The following RSU1 variants were observed in gnomAD, a reference collection of about 807,000 sequenced individuals.
The protein encoded by RSU1 is rsu-1.
In RSU1, 26 loss-of-function variants were observed where a neutral mutation model predicts 31.1. The ratio of observed to expected loss-of-function variants is 0.84; its 90% CI spans 0.61 to 1.16. The LOEUF is 1.16. Among genes scored for constraint, RSU1 ranks in the 50% most tolerant of loss-of-function variants. The pLI, the probability that RSU1 is intolerant of heterozygous loss-of-function variation, is 0.00. For missense variants in RSU1, 320 were observed against 339.1 expected (o/e 0.94, Z 0.44); for synonymous variants, 164 against 136.3 (o/e 1.20, Z -1.41).
chr10:16,633,264 T>C (rs1834283465), intron 8 of RSU1, among the ~76,000 whole-genome samples: 1 of 152,124 alleles, frequency 6.6e-6, no homozygotes, highest in African/African-American at 2.4e-5. Context: ...GAGTTACAAA[T>C]AAATGGACTT....
At chr10:16,710,037 T>C (rs1835985623) in intron 7 of RSU1, among the ~76,000 whole-genome samples, 1 of 152,188 alleles carries the variant, frequency 6.6e-6, no homozygotes, top group African/African-American at 2.4e-5. Flanking sequence ...TGGCTTAGGC[T>C]AGGACTTCCA....
intron 8 of RSU1, among the ~76,000 whole-genome samples, chr10:16,666,864 C>A (rs182866080): frequency 1.3e-5 from 2 of 152,190 alleles, no homozygotes; most frequent in East Asian, 3.9e-4. Context: ...TGACGCATGC[C>A]TGTAATCCCA....
At chr10:16,779,648 G>C (rs2131644225) in intron 3 of RSU1, among the ~76,000 whole-genome samples, 1 of 152,260 alleles carries the variant, frequency 6.6e-6, no homozygotes, top group East Asian at 1.9e-4. Context: ...GTTATCTTTT[G>C]AGTCCCTGTG....
At chr10:16,685,301 A>C (rs990150464) in intron 8 of RSU1, among the ~76,000 whole-genome samples, 3 of 152,322 alleles carry the variant, frequency 2.0e-5, no homozygotes, top group African/African-American at 7.2e-5. Flanking sequence ...GTTACAGGAA[A>C]GGGGTCGCGA....
At chr10:16,730,170 G>A (rs1359995646) in intron 7 of RSU1, among the ~76,000 whole-genome samples, 2 of 152,058 alleles carry the variant, frequency 1.3e-5, no homozygotes. Context: ...CTCTCCTGGG[G>A]ACTCATAAAG....
intron 2 of RSU1, among the ~76,000 whole-genome samples, chr10:16,786,445 C>T (rs1837793701): frequency 6.6e-6 from 1 of 152,110 alleles, no homozygotes; most frequent in Admixed American, 6.5e-5. Context: ...TTTTCTGCCA[C>T]AGTCCTGGAA....
rs148431920 is a variant in RSU1, at chr10:16,642,027, A to G, written c.732-48531T>C. Among the ~76,000 whole-genome samples, 416 of 152,312 alleles carry G rather than the reference A, an allele frequency of 2.7e-3. 1 individual carries two copies. The highest frequency in any genetic ancestry group is 9.6e-3 in the African/African-American group (397 of 41,562). ...TTCAGCTAACTTTCATAAACTTGGTATTACAGGTTTATAAAAACATCCTGC... is the reference window on the plus strand; with the variant it reads ...TTCAGCTAACTTTCATAAACTTGGTGTTACAGGTTTATAAAAACATCCTGC... On this transcript the variant is annotated intron_variant, in intron 8 of 8. Coordinates refer to ENST00000345264, the MANE Select transcript of RSU1 (RefSeq NM_012425.4).
At chr10:16,650,896 T>A (rs1037715444) in intron 8 of RSU1, among the ~76,000 whole-genome samples, 13 of 152,096 alleles carry the variant, frequency 8.5e-5, no homozygotes, top group African/African-American at 3.1e-4. Context: ...ACTTTCAATG[T>A]TTTTATCCAA....
chr10:16,626,313 G>A (rs1357049353), intron 8 of RSU1, among the ~76,000 whole-genome samples: 1 of 151,752 alleles, frequency 6.6e-6, no homozygotes, highest in East Asian at 1.9e-4. Flanking sequence ...GGCCTCCTGA[G>A]GAGCTGGGGC....
chr10:16,719,326 G>GA (rs943105441), intron 7 of RSU1, among the ~76,000 whole-genome samples: 4 of 152,028 alleles, frequency 2.6e-5, no homozygotes, highest in Admixed American at 2.6e-4. Context: ...AAACAAACCA[G>GA]AAAAACCCCA....
At chr10:16,609,441 A>G (rs1735022353) in intron 8 of RSU1, among the ~76,000 whole-genome samples, 2 of 152,210 alleles carry the variant, frequency 1.3e-5, no homozygotes, top group Non-Finnish European at 2.9e-5. Flanking sequence ...TGTTTCATCT[A>G]AGAATCTCAC....
intron 3 of RSU1, 32 bp from the exon 4 acceptor site, chr10:16,764,542 G>C: frequency 6.3e-7 from 1 of 1,598,522 alleles, no homozygotes; most frequent in Non-Finnish European, 8.5e-7. Flanking sequence ...GTGTGAATCT[G>C]GGAATGGAAC....
intron 3 of RSU1, among the ~76,000 whole-genome samples, chr10:16,780,800 C>T (rs1837633588): frequency 6.6e-6 from 1 of 152,108 alleles, no homozygotes. Context: ...ACAATGGAAC[C>T]GGCAATAAAT....
intron 8 of RSU1, among the ~76,000 whole-genome samples, chr10:16,623,783 G>A (rs1834111829): frequency 6.6e-6 from 1 of 152,096 alleles, no homozygotes; most frequent in African/African-American, 2.4e-5. Context: ...GTGCTGTCGA[G>A]TATTTTTTCA....
chr10:16,605,324 C>A (rs917398209), intron 8 of RSU1, among the ~76,000 whole-genome samples: 1 of 152,150 alleles, frequency 6.6e-6, no homozygotes, highest in Non-Finnish European at 1.5e-5. Context: ...TTCCTGCCTC[C>A]CCTGATAGAA....
At chr10:16,745,239 A>G (rs116035037) in intron 7 of RSU1, among the ~76,000 whole-genome samples, 2,426 of 152,322 alleles carry the variant, frequency 0.016, 56 homozygotes, top group African/African-American at 0.052. Context: ...TTCACTGAGC[A>G]GCTGTACTCA....
At chr10:16,647,447 G>T (rs1002962875) in intron 8 of RSU1, among the ~76,000 whole-genome samples, 5 of 152,136 alleles carry the variant, frequency 3.3e-5, no homozygotes, top group Non-Finnish European at 7.3e-5. Context: ...AAACTTGTAC[G>T]GAAATGTTCA....
At chr10:16,763,437 G>A (rs1282511187) in intron 4 of RSU1, among the ~76,000 whole-genome samples, 2 of 152,216 alleles carry the variant, frequency 1.3e-5, no homozygotes, top group African/African-American at 2.4e-5. Flanking sequence ...GAGGTGCTAC[G>A]CACTTTTAAA....
intron 8 of RSU1, among the ~76,000 whole-genome samples, chr10:16,606,835 A>T (rs937491772): frequency 6.6e-6 from 1 of 152,190 alleles, no homozygotes; most frequent in Non-Finnish European, 1.5e-5. Context: ...CATACCATAC[A>T]TAGTGGTATT....
Sources: allele counts gnomAD v4.1 joint callset (sites outside exome capture counted in the v4.1 genomes callset), GRCh38; gene constraint gnomAD v4.1.1; transcripts MANE v1.5; gene names NCBI Gene and HGNC (gene_info 2026-07-23, HGNC 2026-07-21).